The following PTPRD variants were observed in gnomAD, a reference collection of about 807,000 sequenced individuals.
PTPRD encodes the protein protein tyrosine phosphatase receptor type D.
A neutral mutation model predicts 214.5 loss-of-function variants in PTPRD; 34 were observed. That is an observed-to-expected ratio of 0.16 (90% confidence interval 0.12 to 0.21). PTPRD has a LOEUF of 0.21. Among genes scored for constraint, PTPRD ranks in the 10% least tolerant of loss-of-function variants. The pLI, the probability that PTPRD is intolerant of heterozygous loss-of-function variation, is 1.00. For synonymous variants in PTPRD, 1,128 were observed against 845.7 expected (o/e 1.33, Z -5.79); for missense variants, 2,545 against 2,398.7 (o/e 1.06, Z -1.27).
chr9:10,127,416 C>T (rs558266543), intron 3 of PTPRD, among the ~76,000 whole-genome samples: 10 of 152,206 alleles, frequency 6.6e-5, no homozygotes, highest in Admixed American at 3.3e-4. Context: ...TTAGGATAGT[C>T]ACTTATATTC....
intron 7 of PTPRD, among the ~76,000 whole-genome samples, chr9:9,589,251 A>C (rs1453392007): frequency 1.3e-5 from 2 of 151,942 alleles, no homozygotes; most frequent in Non-Finnish European, 2.9e-5. Flanking sequence ...CAGCAGACAA[A>C]ATCAGTAAAA....
At chr9:8,684,397 G>T (rs1044971045) in intron 12 of PTPRD, among the ~76,000 whole-genome samples, 1 of 152,134 alleles carries the variant, frequency 6.6e-6, no homozygotes, top group African/African-American at 2.4e-5. Context: ...TCACACAGCT[G>T]ACAAGTGAAC....
chr9:9,428,551 A>G (rs1165979507), intron 8 of PTPRD, among the ~76,000 whole-genome samples: 2 of 152,212 alleles, frequency 1.3e-5, no homozygotes, highest in Non-Finnish European at 2.9e-5. Context: ...CACCAAGTGG[A>G]CTTAATAAAC....
In PTPRD at chr9:9,845,118, C is replaced by A. The variant is rs1301838423; in HGVS notation, c.-367-78267G>T. On this transcript the variant is annotated intron_variant, in intron 5 of 45. Transcript: ENST00000381196. Reference sequence around the variant, plus strand: ...TATATATATACTGCTATATATATTGCTCTATATATAGAGCAATATATATAT... The same window carrying A: ...TATATATATACTGCTATATATATTGATCTATATATAGAGCAATATATATAT... 6.5e-5 allele frequency among the ~76,000 whole-genome samples: 2 copies of A among 30,992 alleles called. 1 individual carries two copies. Among genetic ancestry groups the A allele is most frequent in the East Asian group, 0.026 (2 of 78 alleles). 20.3% of individuals were successfully genotyped at this position (30,992 alleles called of 152,430 possible).
In PTPRD at chr9:9,060,479, TA is replaced by T. The variant is rs1225629821; in HGVS notation, c.-142-41745del. ...CAATAGACACAAAATACATTAAACA[TA>T]AAAAATTAGATTAATTTAAAATGAT... On this transcript the variant is annotated intron_variant, in intron 10 of 45. Coordinates refer to ENST00000381196, the MANE Select transcript of PTPRD (RefSeq NM_002839.4). Among the ~76,000 whole-genome samples, 15 of 152,200 alleles carry T rather than the reference TA, an allele frequency of 9.9e-5. No homozygotes were observed. The East Asian group carries it at 2.9e-3, about 29-fold the overall frequency.
intron 9 of PTPRD, among the ~76,000 whole-genome samples, chr9:9,254,661 C>A (rs2099976938): frequency 6.6e-6 from 1 of 152,038 alleles, no homozygotes; most frequent in Non-Finnish European, 1.5e-5. Context: ...TGATTAACAT[C>A]TGGAAGCCTT....
At chr9:9,116,745 C>T (rs2154459289) in intron 10 of PTPRD, among the ~76,000 whole-genome samples, 1 of 152,150 alleles carries the variant, frequency 6.6e-6, no homozygotes, top group South Asian at 2.1e-4. Context: ...TACCTTAAAT[C>T]TTCCTTGCAC....
chr9:9,261,881 C>T (rs1337866184), intron 9 of PTPRD, among the ~76,000 whole-genome samples: 1 of 151,806 alleles, frequency 6.6e-6, no homozygotes, highest in East Asian at 2.0e-4. Flanking sequence ...AATATCACCA[C>T]TTATTTAATT....
intron 13 of PTPRD, among the ~76,000 whole-genome samples, chr9:8,636,359 G>A (rs969133557): frequency 6.6e-6 from 1 of 152,074 alleles, no homozygotes; most frequent in Admixed American, 6.6e-5. Context: ...GGAGCCAATG[G>A]GATGAGAGGC....
intron 9 of PTPRD, among the ~76,000 whole-genome samples, chr9:9,252,460 A>G (rs1211078314): frequency 6.6e-6 from 1 of 151,934 alleles, no homozygotes; most frequent in Non-Finnish European, 1.5e-5. Context: ...TTAGCTGAAG[A>G]TGGTATTTAA....
chr9:9,676,108 T>G (rs557402184), intron 7 of PTPRD, among the ~76,000 whole-genome samples: 26 of 152,094 alleles, frequency 1.7e-4, no homozygotes, highest in African/African-American at 6.3e-4. Context: ...TGTAATCCAG[T>G]TTTTGTAAGT....
At chr9:9,655,944 C>T (rs758783760) in intron 7 of PTPRD, among the ~76,000 whole-genome samples, 4 of 152,034 alleles carry the variant, frequency 2.6e-5, no homozygotes, top group Non-Finnish European at 5.9e-5. Flanking sequence ...CACCATCGCT[C>T]TCCAGCGGGG....
intron 5 of PTPRD, among the ~76,000 whole-genome samples, chr9:9,904,024 C>T (rs2076995032): frequency 6.6e-6 from 1 of 152,098 alleles, no homozygotes; most frequent in African/African-American, 2.4e-5. Flanking sequence ...CCAGTTACCC[C>T]TGGCAAAGTT....
intron 3 of PTPRD, among the ~76,000 whole-genome samples, chr9:10,288,016 G>C (rs890545052): frequency 2.0e-5 from 3 of 151,576 alleles, no homozygotes; most frequent in Non-Finnish European, 2.9e-5. Context: ...ATAATGACTA[G>C]AGCAATCCTA....
At chr9:10,243,160 T>A (rs1369415288) in intron 3 of PTPRD, among the ~76,000 whole-genome samples, 1 of 151,972 alleles carries the variant, frequency 6.6e-6, no homozygotes, top group Non-Finnish European at 1.5e-5. Context: ...AGGAGGGAGT[T>A]ATTCAGAGAC....
intron 11 of PTPRD, among the ~76,000 whole-genome samples, chr9:8,757,847 T>C (rs1054955539): frequency 3.9e-4 from 59 of 152,284 alleles, no homozygotes; most frequent in African/African-American, 1.2e-3. Context: ...ATCCCAATTT[T>C]GACCTGTATG....
intron 5 of PTPRD, among the ~76,000 whole-genome samples, chr9:9,769,568 C>T (rs367648854): frequency 2.0e-5 from 3 of 151,786 alleles, no homozygotes; most frequent in East Asian, 2.0e-4. Flanking sequence ...CCTCGTGATC[C>T]GCTTGCCTTG....
intron 3 of PTPRD, among the ~76,000 whole-genome samples, chr9:10,227,255 C>A (rs2099591945): frequency 6.6e-6 from 1 of 151,800 alleles, no homozygotes; most frequent in Non-Finnish European, 1.5e-5. Context: ...GAAAATTACT[C>A]TATAGAAAAA....
At position 9,641,911 on chromosome 9, in the gene PTPRD, C is replaced by T. The variant is rs114378527; in HGVS notation, c.-286-67130G>A. ...CCAGAGGAAGGCCTCAGGACTCAGA[C>T]CTTAGCTATAGATTAAAATAAGTTA... On this transcript the variant is annotated intron_variant, in intron 7 of 45. Coordinates refer to ENST00000381196, the MANE Select transcript of PTPRD (RefSeq NM_002839.4). Among the ~76,000 whole-genome samples the T allele has an allele frequency of 1.9e-3, 283 of 152,158 alleles. 1 individual carries two copies. Among genetic ancestry groups the T allele is most frequent in the African/African-American group, 6.6e-3 (272 of 41,526 alleles).
Sources: gnomAD v4.1 joint callset for allele counts (sites outside exome capture counted in the v4.1 genomes callset) on GRCh38, gnomAD v4.1.1 for gene constraint, MANE v1.5 for transcripts, NCBI Gene and HGNC (gene_info 2026-07-23, HGNC 2026-07-21) for gene names.